The following ALKBH1 variants were observed in gnomAD, a reference collection of about 807,000 sequenced individuals.
The protein encoded by ALKBH1 is alkB homolog 1, histone H2A dioxygenase.
Under a neutral mutation model 36.6 loss-of-function variants are expected in ALKBH1, and 31 were observed. The ratio of observed to expected loss-of-function variants is 0.85; its 90% CI spans 0.64 to 1.14. ALKBH1 has a LOEUF of 1.14. ALKBH1 is among the 50% of genes most tolerant of loss of function. The probability of loss-of-function intolerance (pLI) is 0.00; values close to 1 mark genes in which losing one functional copy is unlikely to be tolerated. For synonymous variants in ALKBH1, 183 were observed against 186.6 expected, an observed-to-expected ratio of 0.98 and a Z score of 0.16; for missense variants, 490 against 497.3, an observed-to-expected ratio of 0.99 and a Z score of 0.14.
At chr14:77,699,365 G>A (rs2080346127) in intron 2 of ALKBH1, among the ~76,000 whole-genome samples, 1 of 152,156 alleles carries the variant, frequency 6.6e-6, no homozygotes, top group Non-Finnish European at 1.5e-5. Context: ...ATATAATTTA[G>A]TCATAAATTA....
chr14:77,690,461 T>C (rs1323173762), intron 3 of ALKBH1, among the ~76,000 whole-genome samples: 1 of 152,220 alleles, frequency 6.6e-6, no homozygotes, highest in Non-Finnish European at 1.5e-5. Flanking sequence ...AGTGTCACTG[T>C]TAATCAAGGT....
chr14:77,680,427 G>A (rs2080230207), intron 3 of ALKBH1, among the ~76,000 whole-genome samples: 1 of 151,902 alleles, frequency 6.6e-6, no homozygotes, highest in Non-Finnish European at 1.5e-5. Flanking sequence ...CAGAATTGCA[G>A]GTTGGGGAAA....
chr14:77,700,276 G>A (rs1263744382), intron 2 of ALKBH1, among the ~76,000 whole-genome samples: 3 of 152,106 alleles, frequency 2.0e-5, no homozygotes, highest in African/African-American at 7.2e-5. Context: ...AAAATTCTAT[G>A]TCTAGATTCT....
chr14:77,703,764 A>G (rs1344098633), intron 2 of ALKBH1, among the ~76,000 whole-genome samples: 2 of 151,160 alleles, frequency 1.3e-5, no homozygotes. Context: ...TGCCCAGCTA[A>G]TTTTTGTATT....
At chr14:77,678,665 A>G (rs905463116) in intron 4 of ALKBH1, among the ~76,000 whole-genome samples, 1 of 152,112 alleles carries the variant, frequency 6.6e-6, no homozygotes, top group Non-Finnish European at 1.5e-5. Context: ...CAAATGTCTA[A>G]TTGAGACAAG....
chr14:77,703,881 A>G (rs1272805662), intron 2 of ALKBH1, among the ~76,000 whole-genome samples: 1 of 152,154 alleles, frequency 6.6e-6, no homozygotes, highest in African/African-American at 2.4e-5. Context: ...TACAGGCATG[A>G]GCCACCACGC....
intron 3 of ALKBH1, 100 bp downstream of exon 3, chr14:77,694,637 CA>C (rs778787853): frequency 1.6e-4 from 159 of 1,015,560 alleles, no homozygotes; most frequent in Non-Finnish European, 2.0e-4. Flanking sequence ...AAAAAAAACC[CA>C]GCCAGTCACT....
Position 77,673,998 on chromosome 14 carries a change from C to G in ALKBH1, c.984G>C (p.Gln328His). The G allele has an allele frequency of 6.2e-7, 1 of 1,614,156 alleles. No homozygotes were observed. Among genetic ancestry groups the G allele is most frequent in the Non-Finnish European group, 8.5e-7 (1 of 1,180,002 alleles). ...CGGTCTTCAAGTAGCTGGCACACAC[C>G]TGCCAGTCCTCCATAGAACAAGGCT... ...MVEPCSMEDWQVCASYLKTAR... is the reference protein window; with the variant it reads ...MVEPCSMEDWHVCASYLKTAR... The change falls in exon 6 of 6, where the codon CAG becomes CAC. Residue 328 changes from glutamine (Q) to histidine (H), a missense_variant. Coordinates refer to ENST00000216489, the MANE Select transcript of ALKBH1 (RefSeq NM_006020.3).
chr14:77,680,413 T>C (rs1333665740), intron 3 of ALKBH1, among the ~76,000 whole-genome samples: 1 of 152,196 alleles, frequency 6.6e-6, no homozygotes, highest in East Asian at 1.9e-4. Flanking sequence ...TGAGGGTGGC[T>C]TCCCAGAATT....
In ALKBH1 at chr14:77,673,997, C is replaced by T. The variant is rs2080190746; in HGVS notation, c.985G>A (p.Val329Met). ...GCGGTCTTCAAGTAGCTGGCACACA[C>T]CTGCCAGTCCTCCATAGAACAAGGC... The part of the protein sequence containing the change: ...VEPCSMEDWQ[V>M]CASYLKTARV... The change falls in exon 6 of 6, where the codon GTG becomes ATG. Residue 329 changes from valine (V) to methionine (M), a missense_variant. Physicochemically the swap from Val to Met is conservative, Grantham distance 21 (BLOSUM62 1). Coordinates refer to ENST00000216489, the MANE Select transcript of ALKBH1 (RefSeq NM_006020.3). 1 of 1,614,076 alleles carries T rather than the reference C, an allele frequency of 6.2e-7. No homozygotes were observed. Among genetic ancestry groups the T allele is most frequent in the Non-Finnish European group, 8.5e-7 (1 of 1,180,052 alleles).
intron 3 of ALKBH1, among the ~76,000 whole-genome samples, chr14:77,681,313 T>C (rs1355127916): frequency 6.6e-6 from 1 of 152,116 alleles, no homozygotes; most frequent in Non-Finnish European, 1.5e-5. Flanking sequence ...AGCTGTCGAA[T>C]CAGTTGGGGC....
chr14:77,689,875 A>G (rs928398442), intron 3 of ALKBH1, among the ~76,000 whole-genome samples: 1 of 152,184 alleles, frequency 6.6e-6, no homozygotes. Context: ...AAAATTTAGA[A>G]AACAAAAAAT....
intron 2 of ALKBH1, among the ~76,000 whole-genome samples, chr14:77,701,751 G>T (rs553399812): frequency 6.6e-6 from 1 of 151,986 alleles, no homozygotes; most frequent in East Asian, 1.9e-4. Context: ...AGCTTATAGG[G>T]GAAAGTAAGT....
intron 4 of ALKBH1, 111 bp from the exon 5 acceptor site, chr14:77,675,960 C>A: frequency 3.6e-6 from 3 of 833,768 alleles, no homozygotes; most frequent in Non-Finnish European, 5.5e-6. Flanking sequence ...GTCATATTAA[C>A]ATATTAACAC....
intron 3 of ALKBH1, among the ~76,000 whole-genome samples, chr14:77,693,119 T>C (rs1437292590): frequency 6.6e-6 from 1 of 151,566 alleles, no homozygotes; most frequent in South Asian, 2.1e-4. Flanking sequence ...GGCAGGAGAA[T>C]TGCTTGAACC....
chr14:77,704,597 C>T (rs1396694287), intron 1 of ALKBH1, 120 bp from the exon 2 acceptor site: 7 of 749,314 alleles, frequency 9.3e-6, no homozygotes, highest in Non-Finnish European at 1.4e-5. Flanking sequence ...GTTTAAGATA[C>T]AGAACCTTGC....
At chr14:77,676,242 C>G (rs996820355) in intron 4 of ALKBH1, among the ~76,000 whole-genome samples, 2 of 151,836 alleles carry the variant, frequency 1.3e-5, no homozygotes, top group African/African-American at 4.8e-5. Flanking sequence ...CTCAGTCTCC[C>G]AAAGCGTTGT....
At position 77,707,964 on chromosome 14, in the gene ALKBH1, A is replaced by G; in HGVS notation, c.41T>C (p.Leu14Pro). 3.7e-6 allele frequency: 6 copies of G among 1,613,270 alleles called. No homozygotes were observed. The highest frequency in any genetic ancestry group is 5.1e-6 in the Non-Finnish European group (6 of 1,179,820). The stretch of plus-strand genomic sequence containing the variant: ...GGCGTCCTCCCCGGGCTCAGTCGCC[A>G]GAGTCGCCACAGAGCCCACGGCCGC... ...MAAAVGSVATLATEPGEDAFR... is the reference protein window; with the variant it reads ...MAAAVGSVATPATEPGEDAFR... The change falls in exon 1 of 6, where the codon CTG (leucine) becomes CCG (proline). Residue 14 changes from leucine (L) to proline (P), a missense_variant. Leu to Pro is a moderately conservative substitution (Grantham distance 98). Transcript: ENST00000216489.
At chr14:77,695,551 CT>C (rs2080322233) in intron 2 of ALKBH1, among the ~76,000 whole-genome samples, 1 of 152,196 alleles carries the variant, frequency 6.6e-6, no homozygotes, top group African/African-American at 2.4e-5. Context: ...CCTCAGAAGT[CT>C]AAGCCCCAGT....
Sources: allele counts gnomAD v4.1 joint callset (sites outside exome capture counted in the v4.1 genomes callset), GRCh38; gene constraint gnomAD v4.1.1; transcripts MANE v1.5; gene names NCBI Gene and HGNC (gene_info 2026-07-23, HGNC 2026-07-21).